The following IGSF10 variants were observed in gnomAD, a reference collection of about 807,000 sequenced individuals.
The protein encoded by IGSF10 is calvaria mechanical force protein 608.
IGSF10 carries 126 observed loss-of-function variants against 128.2 expected under a neutral mutation model. The ratio of observed to expected loss-of-function variants is 0.98; its 90% confidence interval spans 0.85 to 1.14. IGSF10 has a LOEUF of 1.14. IGSF10 is among the 50% of genes most tolerant of loss of function. The pLI is 0.00. For synonymous variants in IGSF10, 1,185 were observed against 1,146.2 expected, an observed-to-expected ratio of 1.03 and a Z score of -0.68; for missense variants, 3,295 against 3,149.8, an observed-to-expected ratio of 1.05 and a Z score of -1.10.
the IGSF10 span, among the ~76,000 whole-genome samples, chr3:151,559,548 G>A: frequency 3.3e-5 from 5 of 152,254 alleles, no homozygotes; most frequent in East Asian, 7.7e-4. Flanking sequence ...TGATAATTTT[G>A]TATATCTAGG....
chr3:151,456,684 CT>C (rs1302294441), intron 4 of IGSF10, among the ~76,000 whole-genome samples: 2 of 152,172 alleles, frequency 1.3e-5, no homozygotes, highest in Non-Finnish European at 2.9e-5. Context: ...AAACTATTAT[CT>C]GTCTAAGATA....
At position 151,436,738 on chromosome 3, in the gene IGSF10, T is replaced by C. The variant is rs1349514691; in HGVS notation, c.7823A>G (p.Lys2608Arg). The part of the protein sequence containing the change: ...SDSGIYKCTA[K>R]NPLGSDYAAT... The stretch of plus-strand genomic sequence containing the variant: ...TGCATAATCACTACCAAGTGGGTTC[T>C]TTGCTGTGCATTTGTATATCCCAGA... Residue 2608 changes from lysine (K) to arginine (R), a missense_variant, in exon 8 of 8, where the codon AAG becomes AGG. Coordinates refer to ENST00000282466, the MANE Select transcript of IGSF10 (RefSeq NM_178822.5). 2 of 1,614,014 alleles carry C rather than the reference T, an allele frequency of 1.2e-6. No individual in the cohort carries two copies. Among genetic ancestry groups the C allele is most frequent in the East Asian group, 2.2e-5 (1 of 44,894 alleles).
chr3:151,453,925 T>C, intron 4 of IGSF10, 151 bp from the exon 5 acceptor site: 1 of 525,936 alleles, frequency 1.9e-6, no homozygotes, highest in South Asian at 3.5e-5. Context: ...TCATTGCAAA[T>C]TAAATATGAC....
the IGSF10 span, among the ~76,000 whole-genome samples, chr3:151,571,053 G>A: frequency 6.6e-5 from 10 of 152,290 alleles, no homozygotes; most frequent in Admixed American, 6.5e-4. Flanking sequence ...GTAGATGTGT[G>A]GTGTTATTTC....
intron 4 of IGSF10, among the ~76,000 whole-genome samples, chr3:151,455,285 AT>A (rs757689795): frequency 6.6e-6 from 1 of 151,442 alleles, no homozygotes; most frequent in Non-Finnish European, 1.5e-5. Context: ...AATTTTTTGT[AT>A]TATTTAGTAG....
chr3:151,570,171 T>G, the IGSF10 span, among the ~76,000 whole-genome samples: 1 of 152,222 alleles, frequency 6.6e-6, no homozygotes, highest in African/African-American at 2.4e-5. Context: ...TCTTTGCTAT[T>G]GTGAATAGTG....
chr3:151,437,271 C>A lies in IGSF10; in HGVS notation c.7290G>T (p.Gln2430His). ...GTGCATAGGTAAGAATAACTGGCTT[C>A]TGGCCAATTTCTAATATGACTAATT... ...IEKLVILEIG[Q>H]KPVILTYAPG... Residue 2430 changes from glutamine (Q) to histidine (H), a missense_variant, in exon 8 of 8, where the codon CAG (glutamine) becomes CAT (histidine). Gln to His is a conservative substitution (Grantham distance 24, BLOSUM62 0). Coordinates refer to ENST00000282466, the MANE Select transcript of IGSF10 (RefSeq NM_178822.5). 6.2e-7 allele frequency: 1 copy of A among 1,614,188 alleles called. No individual in the cohort carries two copies. Among genetic ancestry groups the A allele is most frequent in the Non-Finnish European group, 8.5e-7 (1 of 1,180,030 alleles).
At chr3:151,572,361 T>A in the IGSF10 span, among the ~76,000 whole-genome samples, 1 of 152,198 alleles carries the variant, frequency 6.6e-6, no homozygotes, top group Non-Finnish European at 1.5e-5. Context: ...GGACTTTTTT[T>A]AGTTGGTAGG....
intron 4 of IGSF10, 71 bp from the exon 5 acceptor site, chr3:151,453,845 T>A: frequency 1.1e-6 from 1 of 903,160 alleles, no homozygotes; most frequent in Non-Finnish European, 1.7e-6. Flanking sequence ...GTCCTATCAA[T>A]AACAAAACTT....
downstream of IGSF10, chr3:151,436,032 A>C (rs2108513027): frequency 6.6e-6 from 1 of 152,330 alleles, no homozygotes; most frequent in East Asian, 1.9e-4. Context: ...TTGGACAAAA[A>C]TAACCCCCTT....
chr3:151,582,490 AATAAT>A, the IGSF10 span, among the ~76,000 whole-genome samples: 1 of 152,156 alleles, frequency 6.6e-6, no homozygotes, highest in Non-Finnish European at 1.5e-5. Context: ...ATGTAAATGG[AATAAT>A]ATAATATATA....
the IGSF10 span, among the ~76,000 whole-genome samples, chr3:151,529,480 C>A: frequency 8.5e-5 from 13 of 152,172 alleles, no homozygotes; most frequent in Non-Finnish European, 1.8e-4. Context: ...CAGGCAGGTG[C>A]CCCTCTGGGA....
the IGSF10 span, among the ~76,000 whole-genome samples, chr3:151,470,863 G>T: frequency 6.6e-6 from 1 of 152,074 alleles, no homozygotes; most frequent in Admixed American, 6.5e-5. Context: ...AACCAAACCC[G>T]CATTTTTCAG....
At chr3:151,499,362 C>T in the IGSF10 span, among the ~76,000 whole-genome samples, 47,744 of 151,962 alleles carry the variant, frequency 0.31, 8,139 homozygotes, top group Middle Eastern at 0.41. Flanking sequence ...GAAATTTGTA[C>T]GTTGTTTTCT....
At chr3:151,585,016 T>A in the IGSF10 span, among the ~76,000 whole-genome samples, 2 of 152,218 alleles carry the variant, frequency 1.3e-5, no homozygotes, top group African/African-American at 4.8e-5. Context: ...TTACATTTAG[T>A]CCTTTTAATG....
the IGSF10 span, among the ~76,000 whole-genome samples, chr3:151,476,603 T>C: frequency 6.6e-6 from 1 of 152,186 alleles, no homozygotes; most frequent in South Asian, 2.1e-4. Context: ...CAAGTGGCCT[T>C]GCGCCTTGGG....
the IGSF10 span, among the ~76,000 whole-genome samples, chr3:151,517,016 C>T: frequency 1.3e-5 from 2 of 152,076 alleles, no homozygotes; most frequent in East Asian, 3.9e-4. Flanking sequence ...AGTCTTCACT[C>T]TTCTAGAAGG....
chr3:151,446,238 G>A lies in IGSF10; in HGVS notation c.3743C>T (p.Ser1248Phe), dbSNP rs754404563. 37 of 1,613,704 alleles carry A rather than the reference G, an allele frequency of 2.3e-5. No homozygotes were observed. The South Asian group carries it at 3.7e-4, about 16-fold the overall frequency. ...TSPALPRDKV[S>F]PFHFTTLSTS... is the part of the protein sequence containing the mutation. The stretch of plus-strand genomic sequence containing the variant: ...TGAAAGTGTGGTGAAATGGAAAGGG[G>A]AGACTTTGTCTCTGGGTAAAGCAGG... Residue 1248 changes from serine to phenylalanine, a missense_variant, in exon 6 of 8, where the codon TCC (serine) becomes TTC (phenylalanine). Ser to Phe is a radical substitution (Grantham distance 155, BLOSUM62 -2). Transcript: ENST00000282466.
the IGSF10 span, among the ~76,000 whole-genome samples, chr3:151,533,177 G>T: frequency 1.3e-5 from 2 of 152,014 alleles, no homozygotes; most frequent in South Asian, 4.2e-4. Flanking sequence ...AAACAAATGG[G>T]AAAACATTCC....
Sources: gnomAD v4.1 joint callset for allele counts (sites outside exome capture counted in the v4.1 genomes callset) on GRCh38, gnomAD v4.1.1 for gene constraint, MANE v1.5 for transcripts, NCBI Gene and HGNC (gene_info 2026-07-23, HGNC 2026-07-21) for gene names.